The following CDK5RAP2 variants were observed in gnomAD, a reference collection of about 807,000 sequenced individuals.
CDK5RAP2 encodes the protein CDK5 regulatory subunit-associated protein 2.
A neutral mutation model predicts 232.9 loss-of-function variants in CDK5RAP2; 147 were observed. The observed-to-expected ratio is 0.63, with a 90% CI of 0.55 to 0.72. The LOEUF (loss-of-function observed/expected upper bound fraction) is 0.72, where lower values mean the gene tolerates loss of function less well. CDK5RAP2 is among the 30% of genes least tolerant of loss of function. The probability of loss-of-function intolerance (pLI) is 0.00; values close to 1 mark genes in which losing one functional copy is unlikely to be tolerated. For missense variants in CDK5RAP2, 2,195 were observed against 2,231.5 expected (o/e 0.98, Z 0.33); for synonymous variants, 833 against 833.7 (o/e 1.00, Z 0.01).
At position 120,491,482 on chromosome 9, in the gene CDK5RAP2, C is replaced by G. The variant is rs1177940607; in HGVS notation, c.1312-5G>C. On this transcript the variant is annotated splice_region_variant and splice_polypyrimidine_tract_variant and intron_variant, in intron 12 of 37. Transcript: ENST00000349780. ...TTCAACTTCATTTCTAAGATCCTACCAGAAGAAAATGAAAAAATGGAATTT... is the reference window on the plus strand; with the variant it reads ...TTCAACTTCATTTCTAAGATCCTACGAGAAGAAAATGAAAAAATGGAATTT... 1.2e-6 allele frequency: 2 copies of G among 1,604,444 alleles called. No homozygotes were observed. The highest frequency in any genetic ancestry group is 1.7e-6 in the Non-Finnish European group (2 of 1,174,294).
chr9:120,440,111 C>A, intron 23 of CDK5RAP2, 139 bp from the exon 24 acceptor site: 1 of 725,630 alleles, frequency 1.4e-6, no homozygotes, highest in South Asian at 1.6e-5. Flanking sequence ...TATTTCCTAA[C>A]ACACTTCCCT....
At chr9:120,484,430 A>G (rs2038485398) in intron 14 of CDK5RAP2, among the ~76,000 whole-genome samples, 1 of 152,034 alleles carries the variant, frequency 6.6e-6, no homozygotes, top group Non-Finnish European at 1.5e-5. Flanking sequence ...TTTTAAAGAG[A>G]CTGGGTCTCA....
At position 120,444,823 on chromosome 9, in the gene CDK5RAP2, C is replaced by T. The variant is rs570448577; in HGVS notation, c.3026-1081G>A. ...TCACAGTGTGACTGTAGCCAAGTCA[C>T]TTTATCTCTGAAACTGCTGCCTTAA... On this transcript the variant is annotated intron_variant, in intron 22 of 37. Transcript: ENST00000349780. Among the ~76,000 whole-genome samples the T allele has an allele frequency of 9.2e-5, 14 of 152,318 alleles. 1 individual carries two copies. The South Asian group carries it at 2.9e-3, about 32-fold the overall frequency.
In CDK5RAP2 at chr9:120,502,831, G is replaced by C. The variant is rs183310363; in HGVS notation, c.1312-11354C>G. On this transcript the variant is annotated intron_variant, in intron 12 of 37. Coordinates refer to ENST00000349780, the MANE Select transcript of CDK5RAP2 (RefSeq NM_018249.6). ...TTGGGGAAAGTTAGGATACCAAAGA[G>C]TATAGACCGCTTCTCTTATTTTACT... Among the ~76,000 whole-genome samples the C allele has an allele frequency of 1.7e-3, 254 of 152,214 alleles. 1 individual carries two copies. The highest frequency in any genetic ancestry group is 0.01 in the Middle Eastern group (3 of 294).
intron 3 of CDK5RAP2, among the ~76,000 whole-genome samples, chr9:120,555,888 A>G (rs10818466): frequency 0.12 from 18,762 of 152,284 alleles, 1,604 homozygotes; most frequent in East Asian, 0.3. Context: ...CACACAACGT[A>G]AATAAAATTC....
At chr9:120,389,881 A>C in intron 36 of CDK5RAP2, 94 bp from the exon 37 acceptor site, 1 of 1,118,714 alleles carries the variant, frequency 8.9e-7, no homozygotes, top group Non-Finnish European at 1.4e-6. Context: ...CCCCACCCCA[A>C]AGGGCTCGGA....
In CDK5RAP2 at chr9:120,518,703, C is replaced by G. The variant is rs549072719; in HGVS notation, c.1093-58G>C. The G allele has an allele frequency of 1.2e-5, 16 of 1,384,918 alleles. No homozygotes were observed. The South Asian group carries it at 1.5e-4, about 13-fold the overall frequency. 85.8% of individuals were successfully genotyped at this position (1,384,918 alleles called of 1,614,324 possible). A position where few individuals can be genotyped will look rare whatever the true frequency, so the allele number is the denominator to read the frequency against. On this transcript the variant is annotated intron_variant, in intron 11 of 37. Transcript: ENST00000349780. ...AATTTTCATACCTCATGAAACAAAC[C>G]AAGAAACCTGGGCTCTTTTTCGCCG...
chr9:120,528,697 G>C, intron 9 of CDK5RAP2, 47 bp downstream of exon 9: 1 of 1,229,052 alleles, frequency 8.1e-7, no homozygotes, highest in Non-Finnish European at 1.2e-6. Context: ...CAAGAGGCAA[G>C]AATAGGCTAA....
intron 12 of CDK5RAP2, among the ~76,000 whole-genome samples, chr9:120,507,588 A>G (rs2039871847): frequency 6.6e-6 from 1 of 152,084 alleles, no homozygotes; most frequent in African/African-American, 2.4e-5. Context: ...CTTAGGGAAG[A>G]CCACAGAAAA....
chr9:120,520,145 C>T (rs2040550024), intron 11 of CDK5RAP2, among the ~76,000 whole-genome samples: 1 of 152,068 alleles, frequency 6.6e-6, no homozygotes, highest in South Asian at 2.1e-4. Flanking sequence ...TTTCTGAAAG[C>T]TGGTTTACCA....
chr9:120,392,557 G>C (rs1363032769), intron 36 of CDK5RAP2, among the ~76,000 whole-genome samples: 2 of 152,206 alleles, frequency 1.3e-5, no homozygotes, highest in African/African-American at 2.4e-5. Context: ...CTGAGGAGGA[G>C]AGATGCCAAT....
chr9:120,471,709 G>A (rs745335369), intron 16 of CDK5RAP2, 39 bp downstream of exon 16: 5 of 1,613,600 alleles, frequency 3.1e-6, no homozygotes, highest in Non-Finnish European at 4.2e-6. Flanking sequence ...CCCTCCAAGT[G>A]GAAAAACCAA....
rs149970248 is a variant in CDK5RAP2 at position 120,439,678 on chromosome 9, C to A, written c.3443G>T (p.Cys1148Phe). ...GCCATCCTGGGCCCCTTCTGTCCCACACAAAACTGTAATTATGGCCTCACT... is the reference window on the plus strand; with the variant it reads ...GCCATCCTGGGCCCCTTCTGTCCCAAACAAAACTGTAATTATGGCCTCACT... Reference protein sequence around the residue: ...QCSEAIITVLCGTEGAQDGLS... With the variant: ...QCSEAIITVLFGTEGAQDGLS... The change falls in exon 24 of 38, where the codon TGT (cysteine) becomes TTT (phenylalanine). Residue 1148 changes from cysteine to phenylalanine, a missense_variant. Cys to Phe is a radical substitution (Grantham distance 205). Transcript: ENST00000349780. 1.2e-6 allele frequency: 2 copies of A among 1,614,238 alleles called. No homozygotes were observed. The highest frequency in any genetic ancestry group is 1.7e-5 in the Admixed American group (1 of 60,028).
At position 120,458,584 on chromosome 9, in the gene CDK5RAP2, T is replaced by A. The variant is rs760229028; in HGVS notation, c.2241A>T (p.Gly747=). Residue 747 remains glycine (G), a synonymous_variant, in exon 20 of 38, where the codon GGA becomes GGT. Coordinates refer to ENST00000349780, the MANE Select transcript of CDK5RAP2 (RefSeq NM_018249.6). ...TCTTAGACTCCGTGTGCCTTAAGTA[T>A]CCATTTTTGCAGCCTCCTTTGGAAA... is the stretch of plus-strand genomic sequence containing the variant. ...KDLSKGGCKN[G]YLRHTESKIS... 10 of 1,614,042 alleles carry A rather than the reference T, an allele frequency of 6.2e-6. No individual in the cohort carries two copies. Among genetic ancestry groups the A allele is most frequent in the Non-Finnish European group, 8.5e-6 (10 of 1,180,030 alleles).
At chr9:120,407,288 A>G in intron 31 of CDK5RAP2, 40 bp from the exon 32 acceptor site, 1 of 1,472,684 alleles carries the variant, frequency 6.8e-7, no homozygotes, top group Non-Finnish European at 9.5e-7. Flanking sequence ...CATCTTCCAC[A>G]ACCAAAGGGT....
At chr9:120,571,852 T>G in intron 2 of CDK5RAP2, 122 bp downstream of exon 2, 1 of 759,500 alleles carries the variant, frequency 1.3e-6, no homozygotes, top group Non-Finnish European at 2.4e-6. Flanking sequence ...ACTGAGCACC[T>G]ACGGTGTGCC....
intron 20 of CDK5RAP2, among the ~76,000 whole-genome samples, chr9:120,455,656 C>T (rs568910912): frequency 4.3e-4 from 65 of 151,632 alleles, no homozygotes; most frequent in African/African-American, 1.3e-3. Context: ...GGTGGGAGGA[C>T]GGCTTGAACC....
intron 4 of CDK5RAP2, among the ~76,000 whole-genome samples, chr9:120,549,567 A>G (rs1014068872): frequency 6.6e-6 from 1 of 152,180 alleles, no homozygotes; most frequent in Non-Finnish European, 1.5e-5. Context: ...TTACTCATCT[A>G]TAAGCCTCAG....
intron 25 of CDK5RAP2, among the ~76,000 whole-genome samples, chr9:120,431,134 G>T (rs1043813086): frequency 6.6e-6 from 1 of 152,110 alleles, no homozygotes; most frequent in African/African-American, 2.4e-5. Flanking sequence ...AAGGGGGAGG[G>T]ATAGCATTAG....
Sources: allele counts gnomAD v4.1 joint callset (sites outside exome capture counted in the v4.1 genomes callset), GRCh38; gene constraint gnomAD v4.1.1; transcripts MANE v1.5; gene names NCBI Gene and HGNC (gene_info 2026-07-23, HGNC 2026-07-21).